Variants in MAGI2 observed in about 807,000 individuals in gnomAD.
MAGI2 encodes membrane associated guanylate kinase, WW and PDZ domain containing 2.
MAGI2 carries 35 observed loss-of-function variants against 133.3 expected under a neutral mutation model. The observed-to-expected ratio is 0.26, with a 90% CI of 0.20 to 0.35. The LOEUF is 0.35. Ranked by LOEUF, MAGI2 falls within the 10% of genes least tolerant of loss-of-function variation. The probability of loss-of-function intolerance (pLI) is 1.00; values close to 1 mark genes in which losing one functional copy is unlikely to be tolerated. For synonymous variants in MAGI2, 729 were observed against 710.6 expected, an observed-to-expected ratio of 1.03 and a Z score of -0.41; for missense variants, 1,636 against 1,863.4, an observed-to-expected ratio of 0.88 and a Z score of 2.25.
intron 1 of MAGI2, among the ~76,000 whole-genome samples, chr7:79,308,459 C>T (rs1031531180): frequency 1.3e-5 from 2 of 152,140 alleles, no homozygotes; most frequent in Admixed American, 6.5e-5. Context: ...AAACATTCTT[C>T]CCTTCCTCCA....
rs980216460 is a variant in MAGI2 at position 78,732,418 on chromosome 7, C to T, written c.419-105179G>A. ...GCCTATGATATCAGATAGATTGTGT[C>T]CCTTTTGTGATGGGTCTCCTCATCT... On this transcript the variant is annotated intron_variant, in intron 2 of 21. Coordinates refer to ENST00000354212, the MANE Select transcript of MAGI2 (RefSeq NM_012301.4). 3.3e-5 allele frequency among the ~76,000 whole-genome samples: 5 copies of T among 152,064 alleles called. No individual in the cohort carries two copies. In the East Asian group the frequency reaches 9.6e-4, roughly 29 times the overall value.
At chr7:78,462,118 T>C (rs1790125213) in intron 6 of MAGI2, among the ~76,000 whole-genome samples, 1 of 152,070 alleles carries the variant, frequency 6.6e-6, no homozygotes, top group South Asian at 2.1e-4. Context: ...AAAACTCAAT[T>C]TTTGAAAAAA....
chr7:79,451,387 T>C (rs1201018665), intron 1 of MAGI2, among the ~76,000 whole-genome samples: 1 of 152,218 alleles, frequency 6.6e-6, no homozygotes, highest in Non-Finnish European at 1.5e-5. Context: ...AGGTGGTATT[T>C]TGACATCGAA....
At chr7:79,295,584 C>T (rs1836866732) in intron 1 of MAGI2, among the ~76,000 whole-genome samples, 1 of 151,670 alleles carries the variant, frequency 6.6e-6, no homozygotes, top group African/African-American at 2.4e-5. Flanking sequence ...TCCTATTCTT[C>T]CCAGGATTAT....
intron 1 of MAGI2, among the ~76,000 whole-genome samples, chr7:79,438,287 C>A (rs561457124): frequency 4.5e-4 from 69 of 152,174 alleles, no homozygotes; most frequent in African/African-American, 1.6e-3. Context: ...CCAACTGGAG[C>A]AAAATGAAAC....
chr7:78,774,151 A>G (rs1040712099), intron 2 of MAGI2, among the ~76,000 whole-genome samples: 1 of 152,208 alleles, frequency 6.6e-6, no homozygotes, highest in Admixed American at 6.5e-5. Context: ...GGCCACCTCT[A>G]AATTACTTGA....
At chr7:79,329,189 A>C (rs1294513674) in intron 1 of MAGI2, among the ~76,000 whole-genome samples, 1 of 152,212 alleles carries the variant, frequency 6.6e-6, no homozygotes, top group Non-Finnish European at 1.5e-5. Flanking sequence ...TAAGAAACTT[A>C]TAGTTTGAGA....
At chr7:79,439,327 A>T (rs936556649) in intron 1 of MAGI2, among the ~76,000 whole-genome samples, 14 of 152,130 alleles carry the variant, frequency 9.2e-5, no homozygotes, top group Middle Eastern at 3.4e-3. Context: ...ATCTTCTTGG[A>T]TTCTAATAAC....
chr7:78,949,025 T>C (rs906377325), intron 2 of MAGI2, among the ~76,000 whole-genome samples: 1 of 152,090 alleles, frequency 6.6e-6, no homozygotes, highest in Non-Finnish European at 1.5e-5. Context: ...ATAAAAAAAC[T>C]TCAATATTTT....
chr7:79,229,589 A>G (rs1442733894), intron 1 of MAGI2, among the ~76,000 whole-genome samples: 1 of 152,082 alleles, frequency 6.6e-6, no homozygotes, highest in Non-Finnish European at 1.5e-5. Flanking sequence ...ACAGGTGCAA[A>G]TTTCTGTTTT....
intron 1 of MAGI2, chr7:79,411,735 T>C (rs1251647002): frequency 2.0e-5 from 3 of 152,034 alleles, no homozygotes; most frequent in Non-Finnish European, 4.4e-5. Context: ...GGTAGGAAAA[T>C]AACACCCCTT....
intron 2 of MAGI2, among the ~76,000 whole-genome samples, chr7:78,834,578 T>C (rs1466343722): frequency 6.6e-6 from 1 of 152,244 alleles, no homozygotes; most frequent in African/African-American, 2.4e-5. Context: ...TTGTATTTAT[T>C]ATCAGTTGAT....
chr7:79,060,422 G>T (rs1813620535), intron 1 of MAGI2, among the ~76,000 whole-genome samples: 2 of 151,880 alleles, frequency 1.3e-5, no homozygotes, highest in African/African-American at 4.8e-5. Flanking sequence ...ATTGGAATAT[G>T]GATACTTACC....
Position 78,584,421 on chromosome 7 carries a change from GAAAAAAAAAAAA to G in MAGI2, c.538+42687_538+42698del, listed in dbSNP as rs57844382. ...GGTGACAGAGTGAGACTCCGTCTCA[GAAAAAAAAAAAA>G]AAAAAAAAAAAAAAAAAGAAACAAA... On this transcript the variant is annotated intron_variant, in intron 3 of 21. Coordinates refer to ENST00000354212, the MANE Select transcript of MAGI2 (RefSeq NM_012301.4). Among the ~76,000 whole-genome samples, 6 of 83,962 alleles carry G rather than the reference GAAAAAAAAAAAA, an allele frequency of 7.1e-5. No individual in the cohort carries two copies. The South Asian group carries it at 1.1e-3, about 16-fold the overall frequency. The allele number at this position is 83,962 out of a possible 152,430, so 55.1% of individuals were successfully genotyped here. A position where few individuals can be genotyped will look rare whatever the true frequency, so the allele number is the denominator to read the frequency against.
At chr7:78,539,146 G>T (rs1392416043) in intron 3 of MAGI2, among the ~76,000 whole-genome samples, 1 of 152,220 alleles carries the variant, frequency 6.6e-6, no homozygotes, top group African/African-American at 2.4e-5. Flanking sequence ...AACATTGGCT[G>T]TGGATTTATC....
At chr7:79,094,931 G>A (rs1047405942) in intron 1 of MAGI2, among the ~76,000 whole-genome samples, 3 of 152,048 alleles carry the variant, frequency 2.0e-5, no homozygotes, top group Admixed American at 6.6e-5. Context: ...CAGAATTTTT[G>A]GAATGGCAGA....
intron 9 of MAGI2, among the ~76,000 whole-genome samples, chr7:78,287,306 G>T (rs533103820): frequency 1.3e-5 from 2 of 152,174 alleles, no homozygotes; most frequent in African/African-American, 2.4e-5. Context: ...TTGAGAGCTA[G>T]TGTTAAGGTT....
chr7:78,293,206 A>G (rs1387844111), intron 9 of MAGI2, among the ~76,000 whole-genome samples: 1 of 152,266 alleles, frequency 6.6e-6, no homozygotes, highest in African/African-American at 2.4e-5. Context: ...CCTAATATCC[A>G]GAATCTACAA....
At chr7:78,276,300 C>A (rs1795049449) in intron 9 of MAGI2, among the ~76,000 whole-genome samples, 1 of 152,146 alleles carries the variant, frequency 6.6e-6, no homozygotes. Context: ...ATATTTTCTA[C>A]TGTCAAATGT....
Sources: gnomAD v4.1 joint callset for allele counts (sites outside exome capture counted in the v4.1 genomes callset) on GRCh38, gnomAD v4.1.1 for gene constraint, MANE v1.5 for transcripts, NCBI Gene and HGNC (gene_info 2026-07-23, HGNC 2026-07-21) for gene names.